The following MYH10 variants were observed in gnomAD, a reference collection of about 807,000 sequenced individuals.
MYH10 encodes the protein myosin heavy chain 10, also known as myosin-10.
MYH10 carries 55 observed loss-of-function variants against 257.8 expected under a neutral mutation model. The ratio of observed to expected loss-of-function variants is 0.21; its 90% CI spans 0.17 to 0.27. The LOEUF is 0.27. MYH10 is among the 10% of genes least tolerant of loss of function. The pLI is 1.00. For synonymous variants in MYH10, 854 were observed against 921.7 expected (o/e 0.93, Z 1.33); for missense variants, 1,631 against 2,500.6 (o/e 0.65, Z 7.42).
chr17:8,622,141 C>T (rs893649448), intron 2 of MYH10, among the ~76,000 whole-genome samples: 1 of 152,188 alleles, frequency 6.6e-6, no homozygotes, highest in Non-Finnish European at 1.5e-5. Context: ...TCCTACTTCC[C>T]TTCATCGTCA....
chr17:8,619,446 T>G (rs992288057), intron 2 of MYH10, among the ~76,000 whole-genome samples: 4 of 152,180 alleles, frequency 2.6e-5, no homozygotes, highest in African/African-American at 9.7e-5. Flanking sequence ...GTTTTGACCT[T>G]GTGTGCTCCC....
chr17:8,493,884 T>C lies in MYH10; in HGVS notation c.4058A>G (p.Glu1353Gly). 1 of 1,589,898 alleles carries C rather than the reference T, an allele frequency of 6.3e-7. No homozygotes were observed. Among genetic ancestry groups the C allele is most frequent in the Non-Finnish European group, 8.5e-7 (1 of 1,173,104 alleles). Reference sequence around the variant, plus strand: ...CTGGCGTGTCTCCTCCTGAAGAAGCTCCTGTGTTTTTTTTTTAAAGGGCAA... The same window carrying C: ...CTGGCGTGTCTCCTCCTGAAGAAGCCCCTGTGTTTTTTTTTTAAAGGGCAA... ...SLESQLQDTQ[E>G]LLQEETRQKL... is the part of the protein sequence containing the mutation. Residue 1353 changes from glutamate to glycine, a missense_variant and splice_region_variant, in exon 32 of 43, where the codon GAG (glutamate) becomes GGG (glycine). Physicochemically the swap from Glu to Gly is moderately conservative, Grantham distance 98. Transcript: ENST00000360416.
chr17:8,557,681 T>C (rs553832243), intron 7 of MYH10, among the ~76,000 whole-genome samples: 4 of 151,944 alleles, frequency 2.6e-5, no homozygotes, highest in Admixed American at 6.5e-5. Flanking sequence ...CAAGAGGGAG[T>C]TGGAGTAAGA....
At chr17:8,533,590 G>C (rs1223476098) in intron 16 of MYH10, among the ~76,000 whole-genome samples, 1 of 152,120 alleles carries the variant, frequency 6.6e-6, no homozygotes. Flanking sequence ...GCACTTAGTA[G>C]GTGCTCAGGA....
chr17:8,483,305 G>GA (rs1487187806), intron 37 of MYH10, among the ~76,000 whole-genome samples: 1 of 151,842 alleles, frequency 6.6e-6, no homozygotes, highest in Non-Finnish European at 1.5e-5. Context: ...CAAGAAGTCA[G>GA]AAAAAAAAGG....
rs1299151093 is a variant in MYH10, at chr17:8,487,516, T to C, written c.4963A>G (p.Ile1655Val). ...TGGGCTTCGAGGTCCTTCAGGTCTA[T>C]CTCCATCTTTTTCTTTGAAGCTACA... ...LAVASKKKME[I>V]DLKDLEAQIE... Residue 1655 changes from isoleucine to valine, a missense_variant, in exon 36 of 43, where the codon ATA becomes GTA. By Grantham distance (29) the Ile-to-Val change is conservative (BLOSUM62 3). Transcript: ENST00000360416. 4 of 1,614,184 alleles carry C rather than the reference T, an allele frequency of 2.5e-6. No homozygotes were observed. The highest frequency in any genetic ancestry group is 2.5e-6 in the Non-Finnish European group (3 of 1,180,036).
At chr17:8,527,635 CTGCTGCAGA>C (rs2081890857) in intron 17 of MYH10, among the ~76,000 whole-genome samples, 1 of 152,330 alleles carries the variant, frequency 6.6e-6, no homozygotes, top group South Asian at 2.1e-4. Flanking sequence ...ACAGCAGCAG[CTGCTGCAGA>C]TGCAGCCACG....
At chr17:8,570,782 T>A (rs2083306404) in intron 6 of MYH10, among the ~76,000 whole-genome samples, 2 of 152,224 alleles carry the variant, frequency 1.3e-5, no homozygotes, top group Non-Finnish European at 2.9e-5. Context: ...GCATTTGGTA[T>A]GTGATGCACT....
chr17:8,598,501 C>CT (rs977223506), intron 3 of MYH10, among the ~76,000 whole-genome samples: 4 of 151,878 alleles, frequency 2.6e-5, no homozygotes, highest in African/African-American at 9.7e-5. Context: ...TTTTAAGTAC[C>CT]TTTTTTATTA....
At position 8,497,468 on chromosome 17, in the gene MYH10, G is replaced by A. The variant is rs563059281; in HGVS notation, c.3951+1802C>T. On this transcript the variant is annotated intron_variant, in intron 30 of 42. Coordinates refer to ENST00000360416, the MANE Select transcript of MYH10 (RefSeq NM_001256012.3). Reference sequence around the variant, plus strand: ...AAATATTCAGAAAAGGGCCGGGCGCGGTGGCTCATGCCTGTAATCCCAGCA... The same window carrying A: ...AAATATTCAGAAAAGGGCCGGGCGCAGTGGCTCATGCCTGTAATCCCAGCA... Among the ~76,000 whole-genome samples, 32 of 152,202 alleles carry A rather than the reference G, an allele frequency of 2.1e-4. No homozygotes were observed. In the Middle Eastern group the frequency reaches 0.024, roughly 113 times the overall value.
chr17:8,605,317 G>T (rs942201394), intron 2 of MYH10, among the ~76,000 whole-genome samples: 1 of 152,138 alleles, frequency 6.6e-6, no homozygotes, highest in African/African-American at 2.4e-5. Context: ...TCTCTCATGA[G>T]TACACAAGCT....
At chr17:8,570,540 G>A (rs1035398554) in intron 6 of MYH10, among the ~76,000 whole-genome samples, 1 of 152,106 alleles carries the variant, frequency 6.6e-6, no homozygotes, top group African/African-American at 2.4e-5. Context: ...TGCCATTTCT[G>A]GCCATGAAAA....
intron 4 of MYH10, among the ~76,000 whole-genome samples, chr17:8,580,585 G>A (rs1033203448): frequency 6.6e-6 from 1 of 152,100 alleles, no homozygotes; most frequent in Non-Finnish European, 1.5e-5. Flanking sequence ...TAGGTCCTAC[G>A]TATTTTTAAA....
In MYH10 at chr17:8,498,663, T is replaced by C. The variant is rs537902987; in HGVS notation, c.3951+607A>G. Among the ~76,000 whole-genome samples, 595 of 151,996 alleles carry C rather than the reference T, an allele frequency of 3.9e-3. 5 individuals carry two copies. The highest frequency in any genetic ancestry group is 0.014 in the African/African-American group (563 of 41,442). On this transcript the variant is annotated intron_variant, in intron 30 of 42. Coordinates refer to ENST00000360416, the MANE Select transcript of MYH10 (RefSeq NM_001256012.3). ...GAGATTGAGACCATCCTGGCTAACG[T>C]GGTGAAACCCCGTCTCTACTAAAAA... is the stretch of plus-strand genomic sequence containing the variant.
Position 8,548,756 on chromosome 17 carries a change from G to A in MYH10, c.951C>T (p.Tyr317=). The A allele has an allele frequency of 6.2e-7, 1 of 1,612,718 alleles. No homozygotes were observed. The highest frequency in any genetic ancestry group is 1.3e-5 in the African/African-American group (1 of 74,988). The change falls in exon 10 of 43, where the codon TAC becomes TAT. Residue 317 remains tyrosine (Y), a synonymous_variant. Coordinates refer to ENST00000360416, the MANE Select transcript of MYH10 (RefSeq NM_001256012.3). The part of the protein sequence containing the change: ...SDLLLEGFNN[Y]RFLSNGYIPI... ...GAATATAGCCATTGGAGAGAAACCTGTAGTTATTAAATCCTTCAAGAAGCA... is the reference window on the plus strand; with the variant it reads ...GAATATAGCCATTGGAGAGAAACCTATAGTTATTAAATCCTTCAAGAAGCA...
intron 24 of MYH10, among the ~76,000 whole-genome samples, chr17:8,510,403 T>G (rs2081226264): frequency 6.6e-6 from 1 of 152,158 alleles, no homozygotes; most frequent in Admixed American, 6.5e-5. Context: ...AAGTACAAAC[T>G]GGGTCAATCC....
chr17:8,537,997 G>T (rs963656273), intron 14 of MYH10, among the ~76,000 whole-genome samples: 2 of 152,228 alleles, frequency 1.3e-5, no homozygotes, highest in African/African-American at 4.8e-5. Context: ...GGGATTATGC[G>T]AGATGAGCTA....
chr17:8,603,148 T>G (rs1209459252), intron 3 of MYH10, among the ~76,000 whole-genome samples: 1 of 152,222 alleles, frequency 6.6e-6, no homozygotes. Context: ...ATTCAACCTG[T>G]CAAGAGATTT....
chr17:8,552,749 C>CAGCT lies in MYH10; in HGVS notation c.821-609_821-606dup, dbSNP rs1197734556. Among the ~76,000 whole-genome samples, 1 of 152,196 alleles carries CAGCT rather than the reference C, an allele frequency of 6.6e-6. No individual in the cohort carries two copies. Among genetic ancestry groups the CAGCT allele is most frequent in the African/African-American group, 2.4e-5 (1 of 41,442 alleles). On this transcript the variant is annotated intron_variant, in intron 8 of 42. Transcript: ENST00000360416. This position sits in a 1 kb window ranked among gnomAD's most constrained non-coding sequence, Gnocchi z 4.8. ...CATGTAACTTTCCCATATGCCTTGACAGCTACGATGAGATTAAGCACTAGT... is the reference window on the plus strand; with the variant it reads ...CATGTAACTTTCCCATATGCCTTGACAGCTAGCTACGATGAGATTAAGCACTAGT...
Sources: gnomAD v4.1 joint callset for allele counts (sites outside exome capture counted in the v4.1 genomes callset) on GRCh38, gnomAD v4.1.1 for gene constraint, Gnocchi (gnomAD v3.1) non-coding constraint, MANE v1.5 for transcripts, NCBI Gene and HGNC (gene_info 2026-07-23, HGNC 2026-07-21) for gene names.